The following ADCY5 variants were observed in gnomAD, a reference collection of about 807,000 sequenced individuals.
ADCY5 encodes the protein adenylate cyclase 5, also known as adenylate cyclase type 5.
In ADCY5, 30 loss-of-function variants were observed where a neutral mutation model predicts 119.7. That is an observed-to-expected ratio of 0.25 (90% CI 0.19 to 0.34). The LOEUF (loss-of-function observed/expected upper bound fraction) is 0.34. Among genes scored for constraint, ADCY5 ranks in the 10% least tolerant of loss-of-function variants. The pLI, the probability that ADCY5 is intolerant of heterozygous loss-of-function variation, is 1.00. For synonymous variants in ADCY5, 753 were observed against 762.2 expected (o/e 0.99, Z 0.20); for missense variants, 1,324 against 1,775.2 (o/e 0.75, Z 4.57).
chr3:123,443,325 G>A (rs1237809606), intron 1 of ADCY5, among the ~76,000 whole-genome samples: 2 of 152,144 alleles, frequency 1.3e-5, no homozygotes, highest in Admixed American at 1.3e-4. Flanking sequence ...GACCAGAAAA[G>A]CAAACGGCCA....
At chr3:123,290,027 G>A (rs1939045913) in intron 18 of ADCY5, 73 bp from the exon 19 acceptor site, 3 of 1,471,390 alleles carry the variant, frequency 2.0e-6, no homozygotes, top group African/African-American at 2.8e-5. Context: ...GACAGAGGAT[G>A]TCCAGGGAAG....
intron 1 of ADCY5, among the ~76,000 whole-genome samples, chr3:123,411,504 G>T (rs1468195694): frequency 4.6e-5 from 7 of 152,206 alleles, no homozygotes; most frequent in Admixed American, 4.6e-4. Flanking sequence ...AACAGATGCT[G>T]ACTCAGCCTG....
Position 123,410,947 on chromosome 3 carries a change from C to T in ADCY5, c.1134+36465G>A, listed in dbSNP as rs114162031. ...ACAGACGTGAGCCATCTCACCCCAT[C>T]CTTATTCAAACTACTTAAATAGCTA... On this transcript the variant is annotated intron_variant, in intron 1 of 20. Coordinates refer to ENST00000462833, the MANE Select transcript of ADCY5 (RefSeq NM_183357.3). Among the ~76,000 whole-genome samples the T allele has an allele frequency of 9.6e-3, 1,465 of 152,288 alleles. 20 individuals are homozygous for T. Among genetic ancestry groups the T allele is most frequent in the African/African-American group, 0.033 (1,369 of 41,540 alleles).
At chr3:123,285,998 G>A (rs888700473) in intron 20 of ADCY5, among the ~76,000 whole-genome samples, 1 of 152,206 alleles carries the variant, frequency 6.6e-6, no homozygotes, top group African/African-American at 2.4e-5. Flanking sequence ...TTAGCACCTG[G>A]AAAAACAGGC....
At chr3:123,392,847 A>G (rs1407205521) in intron 1 of ADCY5, among the ~76,000 whole-genome samples, 1 of 23,532 alleles carries the variant, frequency 4.2e-5, no homozygotes, top group East Asian at 2.3e-3. Context: ...CCCACATAGG[A>G]CAGTCACTTT....
chr3:123,384,327 G>A (rs1944141283), intron 1 of ADCY5, among the ~76,000 whole-genome samples: 1 of 152,240 alleles, frequency 6.6e-6, no homozygotes, highest in Non-Finnish European at 1.5e-5. Flanking sequence ...ACTTGAGGGT[G>A]AATCTTCCAA....
rs1178147327 is a variant in ADCY5, at chr3:123,308,028, C to CTTTT, written c.2443-3849_2443-3846dup. ...CATGCTCTTTTTTTTTTTTCATGCT[C>CTTTT]TTTTTTTTTTTTTTTTTTTTTTTGA... On this transcript the variant is annotated intron_variant, in intron 12 of 20. Transcript: ENST00000462833. Among the ~76,000 whole-genome samples, 278 of 85,684 alleles carry CTTTT rather than the reference C, an allele frequency of 3.2e-3. 1 individual carries two copies. The highest frequency in any genetic ancestry group is 0.013 in the Middle Eastern group (1 of 78). 56.2% of individuals were successfully genotyped at this position (85,684 alleles called of 152,430 possible). A position where few individuals can be genotyped will look rare whatever the true frequency, so the allele number is the denominator to read the frequency against.
chr3:123,295,539 T>C (rs1939444938), intron 17 of ADCY5, among the ~76,000 whole-genome samples: 1 of 152,204 alleles, frequency 6.6e-6, no homozygotes, highest in Non-Finnish European at 1.5e-5. Context: ...GCATGCATCA[T>C]GGTCAACAGT....
chr3:123,299,027 A>T (rs1939682401), intron 15 of ADCY5, among the ~76,000 whole-genome samples: 1 of 152,166 alleles, frequency 6.6e-6, no homozygotes, highest in African/African-American at 2.4e-5. Context: ...GCCCGAGTGA[A>T]GAATCTTATC....
rs1050851160 is a variant in ADCY5, at chr3:123,282,718, T to A, written c.*1890A>T. On this transcript the variant is annotated 3_prime_UTR_variant, in exon 21 of 21. Coordinates refer to ENST00000462833, the MANE Select transcript of ADCY5 (RefSeq NM_183357.3). ...CACGGGACAGACTCAGGCTTGGCAGTTTTGGGTCCACACACTTTGCTTCTC... is the reference window on the plus strand; with the variant it reads ...CACGGGACAGACTCAGGCTTGGCAGATTTGGGTCCACACACTTTGCTTCTC... 7 of 152,162 alleles carry A rather than the reference T, an allele frequency of 4.6e-5. No individual in the cohort carries two copies. The allele number at this position is 152,162 out of a possible 1,614,324, so 9.4% of individuals were successfully genotyped here.
intron 1 of ADCY5, among the ~76,000 whole-genome samples, chr3:123,421,741 C>G (rs1326753960): frequency 6.6e-6 from 1 of 152,182 alleles, no homozygotes; most frequent in African/African-American, 2.4e-5. Context: ...CAGGCAGGCA[C>G]AAGACCACAT....
At chr3:123,413,915 G>A (rs561839847) in intron 1 of ADCY5, among the ~76,000 whole-genome samples, 2 of 152,300 alleles carry the variant, frequency 1.3e-5, no homozygotes, top group Admixed American at 6.5e-5. Flanking sequence ...CCCCAGCCCA[G>A]CTGCGAACTG....
intron 3 of ADCY5, among the ~76,000 whole-genome samples, chr3:123,342,091 C>T (rs545770113): frequency 3.9e-5 from 6 of 152,074 alleles, no homozygotes; most frequent in Non-Finnish European, 7.4e-5. Flanking sequence ...CCATCGTGGC[C>T]GGCCCAGAAT....
At chr3:123,401,954 G>A (rs1304208740) in intron 1 of ADCY5, among the ~76,000 whole-genome samples, 2 of 152,232 alleles carry the variant, frequency 1.3e-5, no homozygotes, top group African/African-American at 4.8e-5. Flanking sequence ...CTCAGATACA[G>A]CCTCGACAGG....
At chr3:123,390,122 C>T (rs1380642759) in intron 1 of ADCY5, among the ~76,000 whole-genome samples, 2 of 152,216 alleles carry the variant, frequency 1.3e-5, no homozygotes, top group Admixed American at 6.5e-5. Flanking sequence ...GGCCAGGAAG[C>T]TGGACAGACA....
At position 123,319,962 on chromosome 3, in the gene ADCY5, A is replaced by T; in HGVS notation, c.2112-144T>A. 2.6e-6 allele frequency: 3 copies of T among 1,167,760 alleles called. No homozygotes were observed. In the South Asian group the frequency reaches 4.7e-5, roughly 18 times the overall value. 72.3% of individuals were successfully genotyped at this position (1,167,760 alleles called of 1,614,324 possible). On this transcript the variant is annotated intron_variant, in intron 9 of 20. Transcript: ENST00000462833. ...CCCAATCAGGGCAGCGGGAGCTGAG[A>T]CTGAGACCAGAAGCCTAAGCCGTGC...
At chr3:123,406,248 G>A (rs1049528986) in intron 1 of ADCY5, among the ~76,000 whole-genome samples, 4 of 152,154 alleles carry the variant, frequency 2.6e-5, no homozygotes, top group Non-Finnish European at 2.9e-5. Flanking sequence ...TGCTGACCCC[G>A]CCTCTCTGTT....
At chr3:123,349,928 A>C (rs1433525480) in intron 2 of ADCY5, among the ~76,000 whole-genome samples, 1 of 152,198 alleles carries the variant, frequency 6.6e-6, no homozygotes, top group African/African-American at 2.4e-5. Flanking sequence ...GCCTCCTGAC[A>C]CTGCTGAGAT....
chr3:123,408,291 GAC>G (rs1186394762), intron 1 of ADCY5, among the ~76,000 whole-genome samples: 2 of 151,604 alleles, frequency 1.3e-5, no homozygotes, highest in Non-Finnish European at 2.9e-5. Context: ...GCACACAAAA[GAC>G]ATTCATTTGT....
Sources: allele counts gnomAD v4.1 joint callset (sites outside exome capture counted in the v4.1 genomes callset), GRCh38; gene constraint gnomAD v4.1.1; transcripts MANE v1.5; gene names NCBI Gene and HGNC (gene_info 2026-07-23, HGNC 2026-07-21).